ZZEF1: variants seen among roughly 807,000 people sequenced by gnomAD.
ZZEF1 encodes the protein zinc finger ZZ-type and EF-hand domain containing 1, also known as zinc finger ZZ-type and EF-hand domain-containing protein 1.
Under a neutral mutation model 342.8 loss-of-function variants are expected in ZZEF1, and 157 were observed. The ratio of observed to expected loss-of-function variants is 0.46; its 90% CI spans 0.40 to 0.52. The LOEUF is 0.52. Ranked by LOEUF, ZZEF1 falls within the 20% of genes least tolerant of loss-of-function variation. ZZEF1 has a pLI of 0.00. For missense variants in ZZEF1, 3,480 were observed against 3,725.6 expected (o/e 0.93, Z 1.72); for synonymous variants, 1,505 against 1,429.1 (o/e 1.05, Z -1.20).
intron 1 of ZZEF1, among the ~76,000 whole-genome samples, chr17:4,124,571 T>C (rs2058542941): frequency 6.6e-6 from 1 of 151,546 alleles, no homozygotes; most frequent in African/African-American, 2.4e-5. Context: ...GCCTCCTGAG[T>C]AGCTGGGACT....
intron 21 of ZZEF1, 126 bp from the exon 22 acceptor site, chr17:4,075,555 G>C (rs1436596586): frequency 1.3e-5 from 14 of 1,069,778 alleles, no homozygotes; most frequent in Non-Finnish European, 1.7e-5. Flanking sequence ...AAACCAGCAG[G>C]CAGGCTCGAA....
intron 1 of ZZEF1, among the ~76,000 whole-genome samples, chr17:4,131,588 G>C (rs1368281158): frequency 1.3e-5 from 2 of 151,966 alleles, no homozygotes; most frequent in African/African-American, 4.8e-5. Context: ...AGACCAGTGT[G>C]AGCGATGTGG....
At chr17:4,031,888 C>T (rs913449806) in intron 42 of ZZEF1, among the ~76,000 whole-genome samples, 3 of 151,984 alleles carry the variant, frequency 2.0e-5, no homozygotes, top group Admixed American at 1.3e-4. Context: ...ATATATCTAG[C>T]CAACCAAAAA....
Position 4,122,347 on chromosome 17 carries a change from C to G in ZZEF1, c.499+1560G>C, listed in dbSNP as rs543053365. On this transcript the variant is annotated intron_variant, in intron 2 of 54. Coordinates refer to ENST00000381638, the MANE Select transcript of ZZEF1 (RefSeq NM_015113.4). Reference sequence around the variant, plus strand: ...TTTACGTGTAAGTCTGAGCTCCCCCCCAAAAAAATACAAAAACACAGGCCA... The same window carrying G: ...TTTACGTGTAAGTCTGAGCTCCCCCGCAAAAAAATACAAAAACACAGGCCA... 5.3e-5 allele frequency among the ~76,000 whole-genome samples: 8 copies of G among 151,260 alleles called. No homozygotes were observed. In the South Asian group the frequency reaches 6.2e-4, roughly 12 times the overall value.
Position 4,008,917 on chromosome 17 carries a change from G to C in ZZEF1, c.8771C>G (p.Thr2924Ser). The C allele has an allele frequency of 6.5e-7, 1 of 1,545,388 alleles. No individual in the cohort carries two copies. The highest frequency in any genetic ancestry group is 8.7e-7 in the Non-Finnish European group (1 of 1,148,254). The change falls in exon 54 of 55, where the codon ACC becomes AGC. Residue 2924 changes from threonine to serine, a missense_variant. By Grantham distance (58) the Thr-to-Ser change is moderately conservative (BLOSUM62 1). This residue lies in a region of ZZEF1 where 1,269 missense variants were observed against 1,342.4 expected (regional missense o/e 0.95). Transcript: ENST00000381638. The surrounding 1 kb of genome is among the most constrained non-coding windows in gnomAD (Gnocchi z 4.2). ...ACAGCGGAGAAGGTGGTCGTCCGTG[G>C]TTAGGGCCAGCAGGTAATCCTGCAG... ...GVLQDYLLALTTDDHLLRCAA... is the reference protein window; with the variant it reads ...GVLQDYLLALSTDDHLLRCAA...
intron 39 of ZZEF1, among the ~76,000 whole-genome samples, chr17:4,041,474 C>T (rs2603027): frequency 0.52 from 78,963 of 151,922 alleles, 22,682 homozygotes; most frequent in African/African-American, 0.78. Context: ...CCTTGGGTCC[C>T]GCGGGCACCG....
At chr17:4,056,749 T>A (rs559055466) in intron 32 of ZZEF1, 1 of 152,220 alleles carries the variant, frequency 6.6e-6, no homozygotes, top group South Asian at 2.1e-4. Flanking sequence ...GAGAAGGGAA[T>A]CAGGAGACAC....
rs148879264 is a variant in ZZEF1, at chr17:4,086,730, C to T, written c.2343-75G>A. Reference sequence around the variant, plus strand: ...CTCTCCAAAGCCATATAGCTGTCTACAAAGGACTTTCCTCTAGGCATCAGG... The same window carrying T: ...CTCTCCAAAGCCATATAGCTGTCTATAAAGGACTTTCCTCTAGGCATCAGG... On this transcript the variant is annotated intron_variant, in intron 14 of 54. Transcript: ENST00000381638. 76 of 1,499,926 alleles carry T rather than the reference C, an allele frequency of 5.1e-5. No homozygotes were observed. In the East Asian group the frequency reaches 1.6e-3, roughly 31 times the overall value. 92.9% of individuals were successfully genotyped at this position (1,499,926 alleles called of 1,614,324 possible).
intron 36 of ZZEF1, among the ~76,000 whole-genome samples, chr17:4,050,254 C>A (rs2057016876): frequency 6.6e-6 from 1 of 152,270 alleles, no homozygotes; most frequent in Non-Finnish European, 1.5e-5. Flanking sequence ...CTCATACAGG[C>A]CTGGTTCCCT....
At chr17:4,104,118 A>G (rs2058171181) in intron 8 of ZZEF1, among the ~76,000 whole-genome samples, 1 of 152,202 alleles carries the variant, frequency 6.6e-6, no homozygotes, top group Non-Finnish European at 1.5e-5. Context: ...AAGTGCTCAT[A>G]TGAATTACTG....
chr17:4,044,184 A>T (rs1317044335), intron 38 of ZZEF1, 40 bp downstream of exon 38: 1 of 1,606,402 alleles, frequency 6.2e-7, no homozygotes, highest in African/African-American at 1.3e-5. Context: ...TGTGCATTTT[A>T]AGATGAAAGA....
At chr17:4,032,798 C>T in intron 41 of ZZEF1, 30 bp downstream of exon 41, 1 of 1,608,866 alleles carries the variant, frequency 6.2e-7, no homozygotes, top group Non-Finnish European at 8.5e-7. Context: ...GAAGGGGTGA[C>T]CAGGCCCTCA....
At position 4,075,190 on chromosome 17, in the gene ZZEF1, T is replaced by C; in HGVS notation, c.3402-12A>G. ...CCAGATAATCATACCTGTGAAGGCA[T>C]AACCTCTATTAGCTTCCTTCTCTCA... is the stretch of plus-strand genomic sequence containing the variant. On this transcript the variant is annotated splice_polypyrimidine_tract_variant and intron_variant, in intron 22 of 54. Transcript: ENST00000381638. 2.5e-6 allele frequency: 4 copies of C among 1,614,148 alleles called. No homozygotes were observed. Among genetic ancestry groups the C allele is most frequent in the South Asian group, 2.2e-5 (2 of 91,074 alleles).
chr17:4,044,304 AC>A lies in ZZEF1; in HGVS notation c.6085del (p.Val2029TyrfsTer40). 1 of 1,614,060 alleles carries A rather than the reference AC, an allele frequency of 6.2e-7. No individual in the cohort carries two copies. The highest frequency in any genetic ancestry group is 8.5e-7 in the Non-Finnish European group (1 of 1,179,932). On this transcript the variant is annotated frameshift_variant, in exon 38 of 55. Coordinates refer to ENST00000381638, the MANE Select transcript of ZZEF1 (RefSeq NM_015113.4). LOFTEE classifies it high-confidence loss of function. Reference sequence around the variant, plus strand: ...GCATGAAGGATCCTTCGATAATGATACACCTTTATCTGCCTTATTTCTCTGC... The same window carrying A: ...GCATGAAGGATCCTTCGATAATGATAACCTTTATCTGCCTTATTTCTCTGC... ...FKQRNKADKGVSLSKDPSCQT... is the reference protein window; with the variant it reads ...FKQRNKADKGXSLSKDPSCQT...
chr17:4,045,946 G>A (rs1265320949), intron 37 of ZZEF1, among the ~76,000 whole-genome samples: 1 of 151,638 alleles, frequency 6.6e-6, no homozygotes, highest in East Asian at 1.9e-4. Flanking sequence ...TCCTGCCTCA[G>A]CCTCACGAGT....
intron 17 of ZZEF1, 84 bp downstream of exon 17, chr17:4,082,353 G>T: frequency 7.5e-7 from 1 of 1,326,604 alleles, no homozygotes; most frequent in Non-Finnish European, 1.1e-6. Flanking sequence ...TACTTCGAAG[G>T]CACATGAAAG....
intron 15 of ZZEF1, among the ~76,000 whole-genome samples, 197 bp downstream of exon 15, chr17:4,086,283 GCGGCAA>G (rs1428026240): frequency 1.3e-4 from 7 of 55,110 alleles, no homozygotes; most frequent in African/African-American, 1.2e-4. Context: ...GTTTCCCACA[GCGGCAA>G]TCCCTTTCTG....
At chr17:4,134,664 G>A (rs1231034939) in intron 1 of ZZEF1, among the ~76,000 whole-genome samples, 3 of 151,984 alleles carry the variant, frequency 2.0e-5, no homozygotes, top group African/African-American at 4.8e-5. Context: ...TGCTGGTGAC[G>A]AACAGAGAGG....
chr17:4,012,189 C>T (rs1350295693), intron 52 of ZZEF1, among the ~76,000 whole-genome samples: 1 of 152,226 alleles, frequency 6.6e-6, no homozygotes, highest in African/African-American at 2.4e-5. Context: ...ACTGCTCAAC[C>T]AGACTGTGCT....
Sources: allele counts gnomAD v4.1 joint callset (sites outside exome capture counted in the v4.1 genomes callset), GRCh38; gene constraint gnomAD v4.1.1; regional missense constraint gnomAD v4.1.1; non-coding constraint Gnocchi (gnomAD v3.1); transcripts MANE v1.5; gene names NCBI Gene and HGNC (gene_info 2026-07-23, HGNC 2026-07-21).